The following TAFA4 variants were observed in gnomAD, a reference collection of about 807,000 sequenced individuals.
TAFA4 encodes the protein TAFA chemokine like family member 4.
Under a neutral mutation model 21.1 loss-of-function variants are expected in TAFA4, and 20 were observed. The ratio of observed to expected loss-of-function variants is 0.95; its 90% confidence interval spans 0.67 to 1.38. The LOEUF (loss-of-function observed/expected upper bound fraction) is 1.38, where lower values mean the gene tolerates loss of function less well. Ranked by LOEUF, TAFA4 falls within the 40% of genes most tolerant of loss-of-function variation. The pLI, the probability that TAFA4 is intolerant of heterozygous loss-of-function variation, is 0.00. For missense variants in TAFA4, 211 were observed against 180.9 expected (o/e 1.17, Z -0.95); for synonymous variants, 71 against 67.4 (o/e 1.05, Z -0.26).
At chr3:68,821,283 T>A (rs904072096) in intron 3 of TAFA4, among the ~76,000 whole-genome samples, 2 of 149,864 alleles carry the variant, frequency 1.3e-5, no homozygotes, top group South Asian at 4.2e-4. Context: ...AACAATAAGA[T>A]ATGATGGCTG....
intron 3 of TAFA4, among the ~76,000 whole-genome samples, chr3:68,806,472 T>C (rs1433515278): frequency 2.6e-5 from 4 of 152,194 alleles, no homozygotes; most frequent in African/African-American, 9.6e-5. Flanking sequence ...ATTAAGCCTT[T>C]TGTAATAAAA....
At chr3:68,912,564 G>A (rs1050199615) in intron 1 of TAFA4, among the ~76,000 whole-genome samples, 1 of 152,208 alleles carries the variant, frequency 6.6e-6, no homozygotes, top group African/African-American at 2.4e-5. Flanking sequence ...CCAGATGAGC[G>A]AGCGAGCGGC....
chr3:68,897,637 AAT>A (rs199514884), intron 1 of TAFA4, among the ~76,000 whole-genome samples: 30,439 of 151,704 alleles, frequency 0.2, 3,628 homozygotes, highest in East Asian at 0.49. Context: ...AAAAAAAAAA[AAT>A]ATTTATTTTT....
intron 1 of TAFA4, among the ~76,000 whole-genome samples, chr3:68,917,599 A>ACTACCCCCATCTCTACT (rs1454688551): frequency 1.3e-5 from 2 of 151,774 alleles, no homozygotes; most frequent in African/African-American, 4.8e-5. Context: ...CTACAAATAC[A>ACTACCCCCATCTCTACT]AAAAATTAGC....
intron 4 of TAFA4, among the ~76,000 whole-genome samples, chr3:68,750,077 C>A (rs1702533258): frequency 6.6e-6 from 1 of 152,206 alleles, no homozygotes; most frequent in African/African-American, 2.4e-5. Context: ...ACTAGGGAAA[C>A]CATTTAGTTA....
chr3:68,778,312 TTCATAA>T (rs1703086325), intron 3 of TAFA4, among the ~76,000 whole-genome samples: 2 of 152,270 alleles, frequency 1.3e-5, no homozygotes, highest in South Asian at 2.1e-4. Context: ...AAACAGGAAC[TTCATAA>T]TCATAAAGAG....
intron 3 of TAFA4, among the ~76,000 whole-genome samples, chr3:68,838,366 C>A (rs1047746205): frequency 2.6e-5 from 4 of 152,184 alleles, no homozygotes; most frequent in African/African-American, 9.7e-5. Context: ...TGTATGTTTT[C>A]ATTTCCTTAT....
intron 1 of TAFA4, among the ~76,000 whole-genome samples, chr3:68,929,155 G>A (rs938196242): frequency 2.6e-5 from 4 of 152,116 alleles, no homozygotes; most frequent in Non-Finnish European, 4.4e-5. Context: ...ATTGAGTGAG[G>A]CATTACAAAG....
chr3:68,764,939 A>T (rs1009107093), intron 3 of TAFA4, among the ~76,000 whole-genome samples: 2 of 152,124 alleles, frequency 1.3e-5, no homozygotes, highest in African/African-American at 2.4e-5. Flanking sequence ...TACCCTAATC[A>T]TCCCCCTTTC....
intron 3 of TAFA4, among the ~76,000 whole-genome samples, chr3:68,790,968 C>A (rs1260492382): frequency 1.3e-5 from 2 of 152,136 alleles, no homozygotes; most frequent in African/African-American, 4.8e-5. Context: ...GATGCAAACT[C>A]TTATAAGCAC....
At chr3:68,865,446 TAGTG>T (rs1178830151) in intron 3 of TAFA4, among the ~76,000 whole-genome samples, 4 of 151,960 alleles carry the variant, frequency 2.6e-5, no homozygotes, top group African/African-American at 7.2e-5. Context: ...GTTTTCACAA[TAGTG>T]AGTAAGTCTC....
At chr3:68,857,422 G>A (rs889759815) in intron 3 of TAFA4, among the ~76,000 whole-genome samples, 1 of 152,002 alleles carries the variant, frequency 6.6e-6, no homozygotes, top group Non-Finnish European at 1.5e-5. Flanking sequence ...AGATAAACAG[G>A]AAATAATGTT....
In TAFA4 at chr3:68,902,085, C is replaced by T. The variant is rs547111403; in HGVS notation, c.-122-16775G>A. Among the ~76,000 whole-genome samples, 4 of 152,304 alleles carry T rather than the reference C, an allele frequency of 2.6e-5. No homozygotes were observed. In the South Asian group the frequency reaches 8.3e-4, roughly 32 times the overall value. On this transcript the variant is annotated intron_variant, in intron 1 of 5. Transcript: ENST00000295569. Reference sequence around the variant, plus strand: ...AACTCTGCTGTAAGAATTTTCAATGCATTAACTCATTTAATCCCCTCTAAT... The same window carrying T: ...AACTCTGCTGTAAGAATTTTCAATGTATTAACTCATTTAATCCCCTCTAAT...
chr3:68,850,636 A>G (rs1416901429), intron 3 of TAFA4, among the ~76,000 whole-genome samples: 2 of 152,122 alleles, frequency 1.3e-5, no homozygotes, highest in Admixed American at 6.6e-5. Context: ...CACTTCTCTA[A>G]TGATCAGTGA....
At chr3:68,744,355 G>A (rs897559174) in intron 4 of TAFA4, among the ~76,000 whole-genome samples, 2 of 152,178 alleles carry the variant, frequency 1.3e-5, no homozygotes, top group Non-Finnish European at 2.9e-5. Context: ...GGCTCTCGAG[G>A]AAAATTCAAG....
intron 3 of TAFA4, among the ~76,000 whole-genome samples, chr3:68,797,428 A>G (rs1006126664): frequency 5.3e-5 from 8 of 152,018 alleles, no homozygotes; most frequent in African/African-American, 1.9e-4. Flanking sequence ...CCTGGCTAAC[A>G]CGTTGAAACC....
rs150684059 is a variant in TAFA4, at chr3:68,813,417, A to C, written c.131-60399T>G. On this transcript the variant is annotated intron_variant, in intron 3 of 5. Transcript: ENST00000295569. ...TTGAAAAGAACAAAATTGATAGACC[A>C]CTAGCAAGACTAATAAAGAAGAAAA... is the stretch of plus-strand genomic sequence containing the variant. Among the ~76,000 whole-genome samples, 444 of 152,244 alleles carry C rather than the reference A, an allele frequency of 2.9e-3. 1 individual carries two copies. The highest frequency in any genetic ancestry group is 0.01 in the African/African-American group (424 of 41,550).
chr3:68,891,069 C>T (rs1181209538), intron 1 of TAFA4, among the ~76,000 whole-genome samples: 1 of 152,120 alleles, frequency 6.6e-6, no homozygotes, highest in Non-Finnish European at 1.5e-5. Context: ...GCCTTCACCA[C>T]CATTTTTTTA....
intron 5 of TAFA4, among the ~76,000 whole-genome samples, chr3:68,736,790 T>G (rs752150630): frequency 4.6e-5 from 7 of 152,154 alleles, no homozygotes; most frequent in Admixed American, 2.0e-4. Flanking sequence ...ATAAAATGTT[T>G]TATGCAGTTC....
Sources: allele counts gnomAD v4.1 joint callset (sites outside exome capture counted in the v4.1 genomes callset), GRCh38; gene constraint gnomAD v4.1.1; transcripts MANE v1.5; gene names NCBI Gene and HGNC (gene_info 2026-07-23, HGNC 2026-07-21).